CACNA2D1: variants seen among roughly 807,000 people sequenced by gnomAD.
CACNA2D1 encodes the protein calcium voltage-gated channel auxiliary subunit alpha2delta 1, also known as voltage-dependent calcium channel subunit alpha-2/delta-1.
In CACNA2D1, 53 loss-of-function variants were observed where a neutral mutation model predicts 171.5. The ratio of observed to expected loss-of-function variants is 0.31; its 90% confidence interval spans 0.25 to 0.39. The LOEUF (loss-of-function observed/expected upper bound fraction) is 0.39, where lower values mean the gene tolerates loss of function less well. Among genes scored for constraint, CACNA2D1 ranks in the 10% least tolerant of loss-of-function variants. CACNA2D1 has a pLI of 1.00. For synonymous variants in CACNA2D1, 442 were observed against 443.1 expected (o/e 1.00, Z 0.03); for missense variants, 903 against 1,299.8 (o/e 0.69, Z 4.69).
At chr7:82,007,377 A>C (rs1012751344) in intron 16 of CACNA2D1, among the ~76,000 whole-genome samples, 1 of 152,102 alleles carries the variant, frequency 6.6e-6, no homozygotes, top group Non-Finnish European at 1.5e-5. Flanking sequence ...GGATTCTTAA[A>C]ATGTGCACAC....
chr7:82,073,468 T>G (rs1040879431), intron 7 of CACNA2D1, among the ~76,000 whole-genome samples: 1 of 152,204 alleles, frequency 6.6e-6, no homozygotes, highest in Non-Finnish European at 1.5e-5. Context: ...AAATGGCATA[T>G]GCAAAATAAA....
intron 6 of CACNA2D1, among the ~76,000 whole-genome samples, chr7:82,110,245 C>A (rs992532394): frequency 6.6e-6 from 1 of 152,162 alleles, no homozygotes; most frequent in Admixed American, 6.5e-5. Context: ...GAAGCCCTAA[C>A]CACCAATGTG....
chr7:82,438,350 A>T (rs1215931124), intron 1 of CACNA2D1, among the ~76,000 whole-genome samples: 1 of 152,224 alleles, frequency 6.6e-6, no homozygotes, highest in Admixed American at 6.5e-5. Context: ...TTGCATATAC[A>T]TAAAATACTA....
intron 6 of CACNA2D1, among the ~76,000 whole-genome samples, chr7:82,112,994 A>T (rs1788631258): frequency 6.6e-6 from 1 of 152,172 alleles, no homozygotes; most frequent in South Asian, 2.1e-4. Flanking sequence ...CAACTCATGA[A>T]AATTGTCTTC....
At chr7:82,302,422 T>TC (rs1241947346) in intron 3 of CACNA2D1, among the ~76,000 whole-genome samples, 2 of 151,598 alleles carry the variant, frequency 1.3e-5, no homozygotes, top group Non-Finnish European at 2.9e-5. Flanking sequence ...TTTTTTTTTT[T>TC]TTTTGGAGAC....
intron 4 of CACNA2D1, among the ~76,000 whole-genome samples, chr7:82,156,221 G>A (rs1234676443): frequency 2.0e-5 from 3 of 152,092 alleles, no homozygotes; most frequent in Non-Finnish European, 4.4e-5. Context: ...CTTTAATTCA[G>A]AAAATCTTGC....
At chr7:82,142,744 T>C (rs1792544263) in intron 4 of CACNA2D1, among the ~76,000 whole-genome samples, 1 of 152,160 alleles carries the variant, frequency 6.6e-6, no homozygotes, top group South Asian at 2.1e-4. Flanking sequence ...ATTGCAATCT[T>C]ATTGTCATTT....
intron 4 of CACNA2D1, among the ~76,000 whole-genome samples, chr7:82,169,873 C>T (rs1795839315): frequency 6.6e-6 from 1 of 151,008 alleles, no homozygotes. Flanking sequence ...TTTACTGTGC[C>T]CCTTGGCTAT....
chr7:82,030,233 A>C (rs1479756172), intron 12 of CACNA2D1, among the ~76,000 whole-genome samples: 2 of 151,770 alleles, frequency 1.3e-5, no homozygotes, highest in African/African-American at 4.8e-5. Flanking sequence ...TAAACCCATA[A>C]ATTCTTCACT....
chr7:82,382,563 G>A (rs1448263838), intron 1 of CACNA2D1, among the ~76,000 whole-genome samples: 1 of 152,178 alleles, frequency 6.6e-6, no homozygotes, highest in African/African-American at 2.4e-5. Flanking sequence ...GAACTGCTAG[G>A]GGAGGGGAGT....
chr7:82,306,099 G>C (rs1813696398), intron 3 of CACNA2D1, among the ~76,000 whole-genome samples: 1 of 152,172 alleles, frequency 6.6e-6, no homozygotes, highest in Non-Finnish European at 1.5e-5. Context: ...TTTCCTCCCA[G>C]AAATAGTCAT....
chr7:82,099,313 T>C (rs972455524), intron 6 of CACNA2D1, among the ~76,000 whole-genome samples: 1 of 152,038 alleles, frequency 6.6e-6, no homozygotes, highest in Non-Finnish European at 1.5e-5. Context: ...GTGACACTTC[T>C]AACAATTTGT....
At chr7:82,166,369 T>C (rs371365503) in intron 4 of CACNA2D1, among the ~76,000 whole-genome samples, 38 of 152,186 alleles carry the variant, frequency 2.5e-4, no homozygotes, top group African/African-American at 9.1e-4. Flanking sequence ...GGCCAATTTC[T>C]AGACGTCTGT....
At chr7:82,186,290 A>AAGGAAG (rs1797772703) in intron 3 of CACNA2D1, among the ~76,000 whole-genome samples, 52 of 112,390 alleles carry the variant, frequency 4.6e-4, no homozygotes, top group Middle Eastern at 4.6e-3. Flanking sequence ...AAGGAAGGAA[A>AAGGAAG]GAAAGGTGGG....
At chr7:82,040,465 A>AAC (rs200342059) in intron 10 of CACNA2D1, among the ~76,000 whole-genome samples, 2,259 of 146,970 alleles carry the variant, frequency 0.015, 68 homozygotes, top group African/African-American at 0.054. Flanking sequence ...AAAAAAAAAA[A>AAC]AAAAAACAGA....
intron 12 of CACNA2D1, among the ~76,000 whole-genome samples, chr7:82,022,759 T>A (rs1054474551): frequency 6.6e-6 from 1 of 151,940 alleles, no homozygotes; most frequent in Admixed American, 6.6e-5. Flanking sequence ...CAATCATTTT[T>A]TAAAGTGAAT....
intron 2 of CACNA2D1, among the ~76,000 whole-genome samples, chr7:82,340,610 CATTT>C (rs1487943040): frequency 1.3e-5 from 2 of 152,020 alleles, no homozygotes; most frequent in African/African-American, 4.8e-5. Flanking sequence ...ATTTTCATTT[CATTT>C]ATCATTAGAT....
chr7:82,349,489 A>G, intron 2 of CACNA2D1, 79 bp downstream of exon 2: 2 of 1,111,190 alleles, frequency 1.8e-6, no homozygotes, highest in Non-Finnish European at 2.8e-6. Context: ...TGTAATATAG[A>G]GACACAGTTT....
intron 2 of CACNA2D1, among the ~76,000 whole-genome samples, chr7:82,344,882 T>A (rs1484028635): frequency 6.6e-6 from 1 of 152,144 alleles, no homozygotes; most frequent in Non-Finnish European, 1.5e-5. Context: ...TTATTTAAAG[T>A]GAGAAAGCAC....
Sources: allele counts gnomAD v4.1 joint callset (sites outside exome capture counted in the v4.1 genomes callset), GRCh38; gene constraint gnomAD v4.1.1; transcripts MANE v1.5; gene names NCBI Gene and HGNC (gene_info 2026-07-23, HGNC 2026-07-21).